Variants in TAFA2 observed in about 807,000 individuals in gnomAD.
TAFA2 encodes chemokine-like protein TAFA-2.
In TAFA2, 7 loss-of-function variants were observed where a neutral mutation model predicts 18.8. That is an observed-to-expected ratio of 0.37 (90% CI 0.21 to 0.70). The LOEUF is 0.70. TAFA2 is among the 30% of genes least tolerant of loss of function. TAFA2 has a pLI of 0.53. For missense variants in TAFA2, 122 were observed against 158.1 expected, an observed-to-expected ratio of 0.77 and a Z score of 1.23; for synonymous variants, 60 against 54.2, an observed-to-expected ratio of 1.11 and a Z score of -0.47.
chr12:62,212,407 G>A (rs1441605984), intron 1 of TAFA2, among the ~76,000 whole-genome samples: 1 of 152,140 alleles, frequency 6.6e-6, no homozygotes, highest in African/African-American at 2.4e-5. Context: ...TAAGGGGTTT[G>A]GATAAGCACA....
chr12:61,882,691 A>T (rs7135641), intron 1 of TAFA2, among the ~76,000 whole-genome samples: 7,588 of 152,216 alleles, frequency 0.05, 630 homozygotes, highest in African/African-American at 0.17. Context: ...AAAGCACCTT[A>T]AAAAACCGCC....
rs73312294 is a variant in TAFA2 at position 62,033,706 on chromosome 12, T to C, written c.-2+157553A>G. ...ATGTTATATATATATATACACGTTA[T>C]ATACCAAATATGTTATATACTCATA... On this transcript the variant is annotated intron_variant, in intron 1 of 4. Transcript: ENST00000416284. Among the ~76,000 whole-genome samples, 742 of 152,312 alleles carry C rather than the reference T, an allele frequency of 4.9e-3. 7 individuals are homozygous for C. Among genetic ancestry groups the C allele is most frequent in the African/African-American group, 0.017 (717 of 41,564 alleles).
intron 1 of TAFA2, among the ~76,000 whole-genome samples, chr12:62,176,122 C>A (rs1306139664): frequency 6.6e-6 from 1 of 152,032 alleles, no homozygotes; most frequent in African/African-American, 2.4e-5. Flanking sequence ...TATCTGCTGC[C>A]TGCATTGTCA....
intron 1 of TAFA2, among the ~76,000 whole-genome samples, chr12:61,908,494 C>T (rs1369465390): frequency 6.6e-6 from 1 of 152,066 alleles, no homozygotes; most frequent in Non-Finnish European, 1.5e-5. Flanking sequence ...TATTAATCTG[C>T]TTTCCTTTAT....
chr12:62,171,325 A>G (rs2062476679), intron 1 of TAFA2, among the ~76,000 whole-genome samples: 1 of 152,204 alleles, frequency 6.6e-6, no homozygotes. Flanking sequence ...CTGCAGAACA[A>G]TTCCAGATCC....
chr12:62,074,903 C>T (rs760582264), intron 1 of TAFA2, among the ~76,000 whole-genome samples: 2 of 151,880 alleles, frequency 1.3e-5, no homozygotes, highest in Admixed American at 6.6e-5. Flanking sequence ...GGTTTTGCCA[C>T]GTTGCCCAGG....
intron 1 of TAFA2, among the ~76,000 whole-genome samples, chr12:61,948,747 T>C (rs1226068388): frequency 6.6e-6 from 1 of 152,186 alleles, no homozygotes; most frequent in Non-Finnish European, 1.5e-5. Flanking sequence ...TTTGGGTGTT[T>C]GCATTGTAAT....
chr12:62,009,237 C>T (rs1880652121), intron 1 of TAFA2, among the ~76,000 whole-genome samples: 1 of 152,110 alleles, frequency 6.6e-6, no homozygotes, highest in African/African-American at 2.4e-5. Context: ...CATCATAAGG[C>T]CAAAAGATGA....
intron 2 of TAFA2, among the ~76,000 whole-genome samples, chr12:61,803,985 A>T (rs1160469706): frequency 6.6e-6 from 1 of 152,016 alleles, no homozygotes; most frequent in Non-Finnish European, 1.5e-5. Flanking sequence ...CATTCATAGT[A>T]AGCCTACATG....
At chr12:62,192,772 GTTGAGAGCAAA>G (rs2062632677) in exon 1 of TAFA2, 1 of 152,210 alleles carries the variant, frequency 6.6e-6, no homozygotes, top group South Asian at 2.1e-4. Context: ...AGCAACTGCC[GTTGAGAGCAAA>G]CAACGGTCCT....
At chr12:61,985,968 G>A (rs1239226112) in intron 1 of TAFA2, among the ~76,000 whole-genome samples, 3 of 152,070 alleles carry the variant, frequency 2.0e-5, no homozygotes, top group Non-Finnish European at 4.4e-5. Flanking sequence ...AGGCTCCACA[G>A]CTACCTCAGC....
chr12:61,893,655 G>C (rs951376882), intron 1 of TAFA2, among the ~76,000 whole-genome samples: 1 of 152,108 alleles, frequency 6.6e-6, no homozygotes, highest in African/African-American at 2.4e-5. Context: ...GAGTCTGTTG[G>C]TTTCAAATTT....
chr12:62,103,866 C>G (rs1188075905), intron 1 of TAFA2, among the ~76,000 whole-genome samples: 1 of 152,130 alleles, frequency 6.6e-6, no homozygotes, highest in African/African-American at 2.4e-5. Flanking sequence ...ATTATTCAGG[C>G]ATTGCTCAGA....
In TAFA2 at chr12:61,709,760, C is replaced by T. The variant is rs1207341490; in HGVS notation, c.*646G>A. ...AGGGAAATATGTCAGCTTGTCTATA[C>T]ATTCTTATATGATTGATTTATTCAG... is the stretch of plus-strand genomic sequence containing the variant. On this transcript the variant is annotated 3_prime_UTR_variant, in exon 5 of 5. Coordinates refer to ENST00000416284, the MANE Select transcript of TAFA2 (RefSeq NM_178539.5). 2 of 152,094 alleles carry T rather than the reference C, an allele frequency of 1.3e-5. No individual in the cohort carries two copies. The highest frequency in any genetic ancestry group is 3.8e-4 in the East Asian group (2 of 5,202). The allele number at this position is 152,094 out of a possible 1,614,324, so 9.4% of individuals were successfully genotyped here. A position where few individuals can be genotyped will look rare whatever the true frequency, so the allele number is the denominator to read the frequency against.
chr12:62,091,224 T>C (rs1396493955), intron 1 of TAFA2, among the ~76,000 whole-genome samples: 3 of 151,970 alleles, frequency 2.0e-5, no homozygotes, highest in Non-Finnish European at 4.4e-5. Context: ...TTTCTTTCTC[T>C]AAGCAACTAT....
intron 1 of TAFA2, among the ~76,000 whole-genome samples, chr12:62,032,834 T>C (rs2136748007): frequency 6.6e-6 from 1 of 152,318 alleles, no homozygotes; most frequent in Admixed American, 6.5e-5. Flanking sequence ...CATATTTTTC[T>C]ACTTATCTAA....
intron 4 of TAFA2, among the ~76,000 whole-genome samples, chr12:61,716,625 T>C (rs748306830): frequency 1.3e-5 from 2 of 152,194 alleles, no homozygotes; most frequent in African/African-American, 2.4e-5. Flanking sequence ...AATCATGTTA[T>C]GAGGAACTAT....
chr12:62,055,351 AT>A (rs1307722747), intron 1 of TAFA2, among the ~76,000 whole-genome samples: 6 of 152,282 alleles, frequency 3.9e-5, no homozygotes, highest in African/African-American at 1.2e-4. Flanking sequence ...TACTAAAAAA[AT>A]AAACCCCTGA....
chr12:61,940,744 G>C (rs1048674175), intron 1 of TAFA2, among the ~76,000 whole-genome samples: 1 of 152,160 alleles, frequency 6.6e-6, no homozygotes, highest in Admixed American at 6.5e-5. Flanking sequence ...CTTGAGGAAA[G>C]GTCTGAAGAG....
Sources: gnomAD v4.1 joint callset for allele counts (sites outside exome capture counted in the v4.1 genomes callset) on GRCh38, gnomAD v4.1.1 for gene constraint, MANE v1.5 for transcripts, NCBI Gene and HGNC (gene_info 2026-07-23, HGNC 2026-07-21) for gene names.